CAMK1D: variants seen among roughly 807,000 people sequenced by gnomAD.
CAMK1D encodes calcium/calmodulin dependent protein kinase ID.
In CAMK1D, 9 loss-of-function variants were observed where a neutral mutation model predicts 47.7. The ratio of observed to expected loss-of-function variants is 0.19; its 90% CI spans 0.11 to 0.33. The LOEUF (loss-of-function observed/expected upper bound fraction) is 0.33, where lower values mean the gene tolerates loss of function less well. Ranked by LOEUF, CAMK1D falls within the 10% of genes least tolerant of loss-of-function variation. The probability of loss-of-function intolerance (pLI) is 1.00; values close to 1 mark genes in which losing one functional copy is unlikely to be tolerated. For missense variants in CAMK1D, 291 were observed against 488.7 expected, an observed-to-expected ratio of 0.60 and a Z score of 3.81; for synonymous variants, 184 against 184.9, an observed-to-expected ratio of 0.99 and a Z score of 0.04.
At chr10:12,482,305 C>T (rs1197385709) in intron 1 of CAMK1D, among the ~76,000 whole-genome samples, 3 of 152,180 alleles carry the variant, frequency 2.0e-5, no homozygotes, top group South Asian at 4.1e-4. Flanking sequence ...GGGAATGAGG[C>T]CCTTCCCGCA....
intron 1 of CAMK1D, among the ~76,000 whole-genome samples, chr10:12,537,650 G>A (rs1836019344): frequency 6.6e-6 from 1 of 152,160 alleles, no homozygotes; most frequent in South Asian, 2.1e-4. Flanking sequence ...GACTGTCTCT[G>A]CTGGGCATGA....
chr10:12,461,556 G>T (rs1028663155), intron 1 of CAMK1D, among the ~76,000 whole-genome samples: 1 of 152,020 alleles, frequency 6.6e-6, no homozygotes, highest in African/African-American at 2.4e-5. Flanking sequence ...GGGTGTGGTG[G>T]CGTGCACCTG....
chr10:12,416,203 CTT>C (rs1185505685), intron 1 of CAMK1D, among the ~76,000 whole-genome samples: 2 of 151,400 alleles, frequency 1.3e-5, no homozygotes, highest in Admixed American at 6.6e-5. Flanking sequence ...AGAATAATCT[CTT>C]TAAAAAAACA....
intron 4 of CAMK1D, 113 bp downstream of exon 4, chr10:12,761,199 A>G (rs1195800494): frequency 7.8e-7 from 1 of 1,275,046 alleles, no homozygotes; most frequent in Middle Eastern, 2.8e-4. Context: ...GAGTGGGTGC[A>G]GCAGATGGTG....
intron 1 of CAMK1D, among the ~76,000 whole-genome samples, chr10:12,495,825 G>C (rs894706114): frequency 6.6e-6 from 1 of 152,054 alleles, no homozygotes; most frequent in Non-Finnish European, 1.5e-5. Flanking sequence ...TCCTTTATAT[G>C]TATATATTTT....
In CAMK1D at chr10:12,479,437, C is replaced by A. The variant is rs145653794; in HGVS notation, c.93-73788C>A. Among the ~76,000 whole-genome samples the A allele has an allele frequency of 6.5e-3, 986 of 152,224 alleles. 7 individuals carry two copies. Among genetic ancestry groups the A allele is most frequent in the Middle Eastern group, 0.031 (9 of 294 alleles). On this transcript the variant is annotated intron_variant, in intron 1 of 10. Transcript: ENST00000619168. Reference sequence around the variant, plus strand: ...TCTCGAACTCCTGACTTCAGGTGATCCATCTGCCTCAGCCTCCCAAATTGC... The same window carrying A: ...TCTCGAACTCCTGACTTCAGGTGATACATCTGCCTCAGCCTCCCAAATTGC...
At chr10:12,782,777 A>G (rs1837556223) in intron 5 of CAMK1D, among the ~76,000 whole-genome samples, 1 of 152,118 alleles carries the variant, frequency 6.6e-6, no homozygotes, top group African/African-American at 2.4e-5. Flanking sequence ...AACTCTTCCA[A>G]ATTGAGCTCC....
intron 1 of CAMK1D, among the ~76,000 whole-genome samples, chr10:12,434,364 G>A (rs778572140): frequency 3.9e-5 from 6 of 152,236 alleles, no homozygotes; most frequent in East Asian, 1.9e-4. Context: ...GCCCTTCAGC[G>A]CTTGAGATTT....
intron 2 of CAMK1D, among the ~76,000 whole-genome samples, chr10:12,663,561 G>A (rs745431178): frequency 8.8e-4 from 134 of 152,214 alleles, no homozygotes; most frequent in Non-Finnish European, 4.7e-4. Context: ...TCTGAGAAGC[G>A]TTCTAGCTCC....
chr10:12,760,544 T>G (rs573514126), intron 3 of CAMK1D: 179 of 159,598 alleles, frequency 1.1e-3, no homozygotes, highest in Non-Finnish European at 1.7e-3. Flanking sequence ...CAGGCCAGCG[T>G]TTTGCCCACA....
chr10:12,744,907 T>C (rs7914202), intron 3 of CAMK1D, among the ~76,000 whole-genome samples: 40,557 of 151,938 alleles, frequency 0.27, 6,121 homozygotes, highest in African/African-American at 0.42. Flanking sequence ...TCTCTAAAAA[T>C]AACAAAACAA....
chr10:12,373,702 A>G (rs187504794), intron 1 of CAMK1D, among the ~76,000 whole-genome samples: 3 of 152,086 alleles, frequency 2.0e-5, no homozygotes, highest in Admixed American at 6.5e-5. Flanking sequence ...AAAACACTTC[A>G]TAGCATGCTT....
chr10:12,421,511 CTTTTTTTTTTTTTTT>C lies in CAMK1D; in HGVS notation c.92+71619_92+71633del, dbSNP rs71384322. On this transcript the variant is annotated intron_variant, in intron 1 of 10. Coordinates refer to ENST00000619168, the MANE Select transcript of CAMK1D (RefSeq NM_153498.4). ...CATGCTGGGCCATTTATCCAGGATT[CTTTTTTTTTTTTTTT>C]TTTTTTTTTTTTTTTTTGAGACAAG... Among the ~76,000 whole-genome samples the C allele has an allele frequency of 2.6e-3, 134 of 50,770 alleles. 2 individuals are homozygous for C. Among genetic ancestry groups the C allele is most frequent in the South Asian group, 5.2e-3 (4 of 770 alleles). The allele number at this position is 50,770 out of a possible 152,430, so 33.3% of individuals were successfully genotyped here.
At chr10:12,791,552 C>T (rs1837979435) in intron 6 of CAMK1D, among the ~76,000 whole-genome samples, 1 of 152,126 alleles carries the variant, frequency 6.6e-6, no homozygotes, top group Non-Finnish European at 1.5e-5. Flanking sequence ...TTCTGGGGAC[C>T]TCATATAAGT....
At chr10:12,707,795 A>G (rs1287808755) in intron 3 of CAMK1D, among the ~76,000 whole-genome samples, 1 of 152,164 alleles carries the variant, frequency 6.6e-6, no homozygotes, top group Admixed American at 6.5e-5. Context: ...CTGCCTTTGA[A>G]GTTTATTATG....
intron 3 of CAMK1D, among the ~76,000 whole-genome samples, chr10:12,690,730 TG>T (rs1248590509): frequency 6.6e-6 from 1 of 152,188 alleles, no homozygotes; most frequent in Admixed American, 6.6e-5. Flanking sequence ...TCCTCTGAGT[TG>T]TTGCAGGACT....
At chr10:12,824,201 G>A (rs1833113481) in intron 8 of CAMK1D, among the ~76,000 whole-genome samples, 1 of 152,124 alleles carries the variant, frequency 6.6e-6, no homozygotes, top group Admixed American at 6.5e-5. Flanking sequence ...GAGCCGGGGA[G>A]TAGTCAACCA....
intron 1 of CAMK1D, among the ~76,000 whole-genome samples, chr10:12,461,987 T>G (rs1223342060): frequency 3.2e-5 from 2 of 62,254 alleles, no homozygotes; most frequent in Non-Finnish European, 6.7e-5. Context: ...ACCCAGCGCT[T>G]CTTACGTCTT....
intron 3 of CAMK1D, among the ~76,000 whole-genome samples, chr10:12,744,377 A>C (rs1180064221): frequency 6.6e-6 from 1 of 152,194 alleles, no homozygotes; most frequent in Non-Finnish European, 1.5e-5. Context: ...ATAATGCTAT[A>C]GTTTCACTTT....
Sources: allele counts gnomAD v4.1 joint callset (sites outside exome capture counted in the v4.1 genomes callset), GRCh38; gene constraint gnomAD v4.1.1; transcripts MANE v1.5; gene names NCBI Gene and HGNC (gene_info 2026-07-23, HGNC 2026-07-21).